Variants in USP34 observed in about 807,000 individuals in gnomAD.
USP34 encodes ubiquitin specific peptidase 34, also known as ubiquitin carboxyl-terminal hydrolase 34.
In USP34, 70 loss-of-function variants were observed where a neutral mutation model predicts 460.3. That is an observed-to-expected ratio of 0.15 (90% CI 0.13 to 0.19). The LOEUF is 0.19. Among genes scored for constraint, USP34 ranks in the 10% least tolerant of loss-of-function variants. The probability of loss-of-function intolerance (pLI) is 1.00; values close to 1 mark genes in which losing one functional copy is unlikely to be tolerated. For synonymous variants in USP34, 1,647 were observed against 1,405.3 expected, an observed-to-expected ratio of 1.17 and a Z score of -3.85; for missense variants, 3,985 against 4,236.2, an observed-to-expected ratio of 0.94 and a Z score of 1.65.
chr2:61,403,049 T>C (rs1361215978), intron 3 of USP34, among the ~76,000 whole-genome samples: 1 of 151,968 alleles, frequency 6.6e-6, no homozygotes, highest in Admixed American at 6.5e-5. Flanking sequence ...GAAAAGAAAA[T>C]TAAAGAGGCA....
chr2:61,365,611 G>A (rs1692413133), intron 10 of USP34, among the ~76,000 whole-genome samples: 1 of 152,138 alleles, frequency 6.6e-6, no homozygotes, highest in East Asian at 1.9e-4. Flanking sequence ...AATTAATTCT[G>A]GAGTAAGGAA....
At position 61,246,319 on chromosome 2, in the gene USP34, C is replaced by A; in HGVS notation, c.6548+5G>T. On this transcript the variant is annotated splice_donor_5th_base_variant and intron_variant, in intron 50 of 79. Transcript: ENST00000398571. ...TAAAGAAGTTTTGAAATATTTAAAA[C>A]TCACCATTTATTGTTTTTATAAGCA... 1 of 1,536,718 alleles carries A rather than the reference C, an allele frequency of 6.5e-7. No homozygotes were observed. The highest frequency in any genetic ancestry group is 1.3e-5 in the South Asian group (1 of 78,632).
chr2:61,332,455 A>G (rs952957254), intron 19 of USP34, among the ~76,000 whole-genome samples: 7 of 152,036 alleles, frequency 4.6e-5, no homozygotes, highest in African/African-American at 1.7e-4. Flanking sequence ...GAACAAGCTA[A>G]AAGAGTTTCA....
At chr2:61,198,842 C>A (rs147959786) in intron 75 of USP34, among the ~76,000 whole-genome samples, 292 of 152,302 alleles carry the variant, frequency 1.9e-3, no homozygotes, top group African/African-American at 6.7e-3. Flanking sequence ...GCACTCCAGC[C>A]TGGGCGACAG....
chr2:61,194,605 CCTTACA>C (rs1686741054), intron 75 of USP34, among the ~76,000 whole-genome samples: 1 of 152,192 alleles, frequency 6.6e-6, no homozygotes, highest in Non-Finnish European at 1.5e-5. Context: ...CTCAAGTGAT[CCTTACA>C]CCTTAGCCTC....
intron 33 of USP34, among the ~76,000 whole-genome samples, chr2:61,292,675 C>CA (rs771344467): frequency 2.0e-5 from 3 of 151,956 alleles, no homozygotes; most frequent in African/African-American, 7.2e-5. Context: ...CAAAACAAAA[C>CA]AAAAAACCAC....
Position 61,311,781 on chromosome 2 carries a change from T to C in USP34, c.3669+3A>G, listed in dbSNP as rs377214264. 2 of 1,613,544 alleles carry C rather than the reference T, an allele frequency of 1.2e-6. No homozygotes were observed. The highest frequency in any genetic ancestry group is 2.2e-5 in the South Asian group (2 of 90,900). ...AACTTCGAAATTAAAACTATGTAAG[T>C]ACCTTGTCAGGAAGTCCAGCTGGCT... On this transcript the variant is annotated splice_donor_region_variant and intron_variant, in intron 26 of 79. Coordinates refer to ENST00000398571, the MANE Select transcript of USP34 (RefSeq NM_014709.4).
At chr2:61,334,085 A>T in intron 18 of USP34, 114 bp from the exon 19 acceptor site, 2 of 636,508 alleles carry the variant, frequency 3.1e-6, no homozygotes, top group Non-Finnish European at 4.8e-6. Flanking sequence ...GAGACATATT[A>T]TTACACAAAC....
At chr2:61,245,678 A>G (rs1572867251) in intron 50 of USP34, among the ~76,000 whole-genome samples, 1 of 152,296 alleles carries the variant, frequency 6.6e-6, no homozygotes, top group East Asian at 1.9e-4. Flanking sequence ...ATGGATAAAA[A>G]AAGGAAAAGG....
At chr2:61,410,250 T>C (rs1048394771) in intron 2 of USP34, among the ~76,000 whole-genome samples, 4 of 152,186 alleles carry the variant, frequency 2.6e-5, no homozygotes, top group Admixed American at 2.6e-4. Flanking sequence ...CGGTACCATC[T>C]GGGGGTGATA....
At chr2:61,320,387 C>A (rs1468632621) in intron 21 of USP34, among the ~76,000 whole-genome samples, 1 of 152,170 alleles carries the variant, frequency 6.6e-6, no homozygotes, top group East Asian at 1.9e-4. Context: ...AATGAATCCA[C>A]AGTGCATGTC....
chr2:61,196,864 A>G (rs1419430528), intron 75 of USP34, among the ~76,000 whole-genome samples: 2 of 152,160 alleles, frequency 1.3e-5, no homozygotes, highest in Non-Finnish European at 1.5e-5. Flanking sequence ...TCTATTTTCC[A>G]CAACTACCAA....
Position 61,211,828 on chromosome 2 carries a change from G to T in USP34, c.8784C>A (p.Thr2928=). The change falls in exon 69 of 80, where the codon ACC becomes ACA. Residue 2928 remains threonine (T), a synonymous_variant. Transcript: ENST00000398571. ...CTAAGCAACGTAAGTAACAACTTAT[G>T]GTTGTTTTCTTGAACTGTTTAATAT... ...LEDIKQFKKT[T]ISCYLRCLDG... is the part of the protein sequence containing the mutation. 6.2e-7 allele frequency: 1 copy of T among 1,606,104 alleles called. No homozygotes were observed. The highest frequency in any genetic ancestry group is 8.5e-7 in the Non-Finnish European group (1 of 1,177,288).
At chr2:61,289,664 G>A (rs147848285) in intron 33 of USP34, among the ~76,000 whole-genome samples, 13 of 151,894 alleles carry the variant, frequency 8.6e-5, no homozygotes, top group African/African-American at 3.1e-4. Context: ...TTACTGAACC[G>A]AAAGAAAGAC....
intron 21 of USP34, among the ~76,000 whole-genome samples, chr2:61,321,410 G>A (rs1442571578): frequency 6.6e-6 from 1 of 152,204 alleles, no homozygotes; most frequent in Non-Finnish European, 1.5e-5. Context: ...GGTGGAGGTT[G>A]CAGTGAGCCA....
At chr2:61,445,903 G>A (rs979065048) in intron 1 of USP34, among the ~76,000 whole-genome samples, 13 of 151,550 alleles carry the variant, frequency 8.6e-5, no homozygotes, top group East Asian at 1.9e-4. Flanking sequence ...AGCTGCGATC[G>A]TGCCACTGCA....
intron 41 of USP34, among the ~76,000 whole-genome samples, chr2:61,276,153 CAT>C (rs1467008055): frequency 6.6e-5 from 10 of 152,166 alleles, no homozygotes; most frequent in Admixed American, 1.3e-4. Flanking sequence ...ATCTCAGTGA[CAT>C]AAGAATCTGC....
At chr2:61,211,661 GGCTACAT>G in intron 69 of USP34, 104 bp downstream of exon 69, 1 of 1,155,566 alleles carries the variant, frequency 8.7e-7, no homozygotes, top group South Asian at 1.9e-5. Context: ...GTTCCAAAGT[GGCTACAT>G]GCACAAATGC....
chr2:61,385,485 C>G (rs1418382767), intron 5 of USP34, among the ~76,000 whole-genome samples: 1 of 151,390 alleles, frequency 6.6e-6, no homozygotes, highest in Non-Finnish European at 1.5e-5. Context: ...TCCTGGCTAA[C>G]ATGGTGAAAC....
Sources: allele counts gnomAD v4.1 joint callset (sites outside exome capture counted in the v4.1 genomes callset), GRCh38; gene constraint gnomAD v4.1.1; transcripts MANE v1.5; gene names NCBI Gene and HGNC (gene_info 2026-07-23, HGNC 2026-07-21).